The following ZPBP variants were observed in gnomAD, a reference collection of about 807,000 sequenced individuals.
ZPBP encodes the protein zona pellucida-binding protein 1.
A neutral mutation model predicts 44.8 loss-of-function variants in ZPBP; 26 were observed. The ratio of observed to expected loss-of-function variants is 0.58; its 90% CI spans 0.43 to 0.81. ZPBP has a LOEUF of 0.81. ZPBP is among the 30% of genes least tolerant of loss of function. ZPBP has a pLI of 0.00. For missense variants in ZPBP, 409 were observed against 434.0 expected (o/e 0.94, Z 0.51); for synonymous variants, 174 against 153.2 (o/e 1.14, Z -1.00).
intron 4 of ZPBP, among the ~76,000 whole-genome samples, chr7:50,040,996 GC>G (rs1376988498): frequency 6.6e-6 from 1 of 152,138 alleles, no homozygotes; most frequent in East Asian, 1.9e-4. Context: ...CATTACTGAG[GC>G]TTTAGTAGGC....
intron 1 of ZPBP, chr7:49,912,103 T>C (rs748704464): frequency 1.2e-6 from 2 of 1,614,162 alleles, no homozygotes; most frequent in Admixed American, 1.7e-5. Flanking sequence ...GAGTGCACCA[T>C]ATGCCACTGT....
intron 7 of ZPBP, among the ~76,000 whole-genome samples, chr7:49,982,938 C>G (rs961655330): frequency 3.3e-5 from 5 of 151,964 alleles, no homozygotes; most frequent in Non-Finnish European, 4.4e-5. Context: ...GGTAATAAAA[C>G]AATTCATATA....
downstream of ZPBP, among the ~76,000 whole-genome samples, chr7:49,845,565 T>C (rs1418714596): frequency 6.6e-6 from 1 of 152,244 alleles, no homozygotes; most frequent in African/African-American, 2.4e-5. Context: ...ATTGGTCAGA[T>C]GCTAACACAA....
downstream of ZPBP, among the ~76,000 whole-genome samples, chr7:49,936,941 A>G (rs1481657811): frequency 6.6e-6 from 1 of 152,204 alleles, no homozygotes; most frequent in Non-Finnish European, 1.5e-5. Flanking sequence ...CCATTCTAAA[A>G]TGCCAAAAAG....
At chr7:49,992,848 A>G (rs1797630328) in intron 6 of ZPBP, among the ~76,000 whole-genome samples, 1 of 152,136 alleles carries the variant, frequency 6.6e-6, no homozygotes, top group South Asian at 2.1e-4. Flanking sequence ...AAGAGAAGGA[A>G]GGACTAAAAT....
intron 7 of ZPBP, among the ~76,000 whole-genome samples, chr7:49,955,154 T>G (rs1428485314): frequency 6.6e-6 from 1 of 152,000 alleles, no homozygotes; most frequent in East Asian, 1.9e-4. Flanking sequence ...AAAAATAAAA[T>G]TAGTGGGCTA....
chr7:49,998,066 C>T (rs558644817), intron 6 of ZPBP, among the ~76,000 whole-genome samples: 29 of 152,158 alleles, frequency 1.9e-4, no homozygotes, highest in Admixed American at 7.2e-4. Flanking sequence ...TACAGGCGCA[C>T]GCCACCACGC....
At chr7:49,885,120 A>T (rs185810682) in intron 2 of ZPBP, among the ~76,000 whole-genome samples, 1 of 152,234 alleles carries the variant, frequency 6.6e-6, no homozygotes, top group East Asian at 1.9e-4. Flanking sequence ...GGGTTCACTA[A>T]AAGTATCTCT....
At chr7:49,971,332 T>C (rs553722353) in intron 7 of ZPBP, among the ~76,000 whole-genome samples, 5 of 152,032 alleles carry the variant, frequency 3.3e-5, no homozygotes, top group Admixed American at 1.3e-4. Flanking sequence ...GTTGGTTCTT[T>C]GAGAAGATCA....
intron 2 of ZPBP, among the ~76,000 whole-genome samples, chr7:49,877,282 G>A (rs1383648180): frequency 2.0e-5 from 3 of 150,400 alleles, no homozygotes; most frequent in Non-Finnish European, 3.0e-5. Flanking sequence ...GCCAACATGG[G>A]GGAGCCCCGT....
At position 50,042,305 on chromosome 7, in the gene ZPBP, A is replaced by C. The variant is rs565444953; in HGVS notation, c.488-10995T>G. Among the ~76,000 whole-genome samples, 15 of 152,342 alleles carry C rather than the reference A, an allele frequency of 9.8e-5. No homozygotes were observed. The South Asian group carries it at 3.1e-3, about 32-fold the overall frequency. ...ACCTAGCAAGACAGGCCAACATTCA[A>C]ATTCAGGAAATACAAAGAGCACCAC... On this transcript the variant is annotated intron_variant, in intron 4 of 7. Transcript: ENST00000046087.
chr7:49,972,207 C>T (rs1366685230), intron 7 of ZPBP, among the ~76,000 whole-genome samples: 10 of 151,278 alleles, frequency 6.6e-5, no homozygotes, highest in Admixed American at 5.3e-4. Context: ...CTACTATCCT[C>T]ACTTATATTT....
the ZPBP span, among the ~76,000 whole-genome samples, chr7:49,841,959 T>A: frequency 6.6e-6 from 1 of 152,076 alleles, no homozygotes; most frequent in African/African-American, 2.4e-5. Context: ...CTCCACCTCC[T>A]GGGTTCAAGC....
Position 50,023,346 on chromosome 7 carries a change from C to T in ZPBP, c.707-5030G>A, listed in dbSNP as rs183624367. ...CATTACCACTATATTTACAGTGTTCCGTATAATGCCATGGTGTTATTATGG... is the reference window on the plus strand; with the variant it reads ...CATTACCACTATATTTACAGTGTTCTGTATAATGCCATGGTGTTATTATGG... On this transcript the variant is annotated intron_variant, in intron 5 of 7. Coordinates refer to ENST00000046087, the MANE Select transcript of ZPBP (RefSeq NM_007009.3). 3.9e-5 allele frequency among the ~76,000 whole-genome samples: 6 copies of T among 152,058 alleles called. No homozygotes were observed. The East Asian group carries it at 7.8e-4, about 20-fold the overall frequency.
chr7:49,878,713 T>TA (rs1791550336), intron 2 of ZPBP, among the ~76,000 whole-genome samples: 1 of 152,180 alleles, frequency 6.6e-6, no homozygotes, highest in Admixed American at 6.5e-5. Flanking sequence ...CATAATCTTT[T>TA]AAAAAATTGC....
chr7:49,846,464 G>C (rs768410172), downstream of ZPBP, among the ~76,000 whole-genome samples: 1 of 152,086 alleles, frequency 6.6e-6, no homozygotes, highest in African/African-American at 2.4e-5. Flanking sequence ...TCACTTCCAC[G>C]TCTTTGCATA....
At chr7:49,991,247 C>G (rs1170074699) in intron 6 of ZPBP, among the ~76,000 whole-genome samples, 1 of 152,050 alleles carries the variant, frequency 6.6e-6, no homozygotes, top group Non-Finnish European at 1.5e-5. Flanking sequence ...GGTGTACAGA[C>G]TTTATAACAT....
At chr7:49,996,883 T>C (rs1436821128) in intron 6 of ZPBP, among the ~76,000 whole-genome samples, 1 of 152,196 alleles carries the variant, frequency 6.6e-6, no homozygotes, top group African/African-American at 2.4e-5. Context: ...AGGCTTACTA[T>C]GCCCACCTTG....
chr7:50,066,273 T>TC lies in ZPBP; in HGVS notation c.335-8133dup, dbSNP rs548345223. Among the ~76,000 whole-genome samples, 157 of 150,614 alleles carry TC rather than the reference T, an allele frequency of 1.0e-3. 6 individuals carry two copies. Among genetic ancestry groups the TC allele is most frequent in the Non-Finnish European group, 1.3e-3 (89 of 67,620 alleles). On this transcript the variant is annotated intron_variant, in intron 3 of 7. Coordinates refer to ENST00000046087, the MANE Select transcript of ZPBP (RefSeq NM_007009.3). ...ATAAGCTCTCTTTCTTTTTTTTTTT[T>TC]CTCTGATTTAATATGTGTTTTAAAC...
Sources: allele counts gnomAD v4.1 joint callset (sites outside exome capture counted in the v4.1 genomes callset), GRCh38; gene constraint gnomAD v4.1.1; transcripts MANE v1.5; gene names NCBI Gene and HGNC (gene_info 2026-07-23, HGNC 2026-07-21).